PHF20: variants seen among roughly 807,000 people sequenced by gnomAD.
The protein encoded by PHF20 is PHD finger protein 20.
Under a neutral mutation model 113.5 loss-of-function variants are expected in PHF20, and 23 were observed. The observed-to-expected ratio is 0.20, with a 90% CI of 0.15 to 0.29. The LOEUF (loss-of-function observed/expected upper bound fraction) is 0.29, where lower values mean the gene tolerates loss of function less well. Ranked by LOEUF, PHF20 falls within the 10% of genes least tolerant of loss-of-function variation. The pLI is 1.00. For synonymous variants in PHF20, 434 were observed against 457.3 expected, an observed-to-expected ratio of 0.95 and a Z score of 0.65; for missense variants, 943 against 1,219.6, an observed-to-expected ratio of 0.77 and a Z score of 3.38.
chr20:35,781,929 C>T (rs1484109098), intron 1 of PHF20, among the ~76,000 whole-genome samples: 2 of 151,416 alleles, frequency 1.3e-5, no homozygotes, highest in African/African-American at 4.9e-5. Context: ...GCCTAGGTGA[C>T]AGAGCGAGAC....
chr20:35,892,787 G>T (rs2054900099), intron 9 of PHF20, among the ~76,000 whole-genome samples: 1 of 151,532 alleles, frequency 6.6e-6, no homozygotes, highest in African/African-American at 2.4e-5. Flanking sequence ...AGCAGTGCAG[G>T]GTAGATTATC....
intron 2 of PHF20, among the ~76,000 whole-genome samples, chr20:35,827,119 C>CT (rs1430157045): frequency 6.6e-6 from 1 of 152,100 alleles, no homozygotes; most frequent in African/African-American, 2.4e-5. Flanking sequence ...GAGGCAAGCT[C>CT]TGATTTTTTT....
At chr20:35,901,432 A>AG (rs777920125) in intron 10 of PHF20, among the ~76,000 whole-genome samples, 1 of 149,362 alleles carries the variant, frequency 6.7e-6, no homozygotes, top group Non-Finnish European at 1.5e-5. Flanking sequence ...AAAAAAAAAA[A>AG]GTGTGCTTAA....
intron 9 of PHF20, among the ~76,000 whole-genome samples, chr20:35,891,109 G>A (rs1327843146): frequency 6.6e-6 from 1 of 152,134 alleles, no homozygotes; most frequent in African/African-American, 2.4e-5. Context: ...GGGTACAGTG[G>A]CTCATGCCTG....
At chr20:35,918,235 G>T (rs930308392) in intron 13 of PHF20, among the ~76,000 whole-genome samples, 7 of 152,064 alleles carry the variant, frequency 4.6e-5, no homozygotes, top group African/African-American at 1.7e-4. Flanking sequence ...TGCAGTTCTG[G>T]GAGAGGTGGC....
At chr20:35,801,667 A>G in intron 2 of PHF20, 62 bp downstream of exon 2, 5 of 1,069,398 alleles carry the variant, frequency 4.7e-6, no homozygotes, top group South Asian at 1.3e-5. Context: ...CAGCACTGAT[A>G]GAGTGGTAGC....
At chr20:35,866,579 G>C (rs2054324270) in intron 6 of PHF20, among the ~76,000 whole-genome samples, 2 of 152,192 alleles carry the variant, frequency 1.3e-5, no homozygotes. Flanking sequence ...TATTATACAA[G>C]GAGAGGTGGA....
chr20:35,924,638 G>A (rs1240915617), intron 13 of PHF20, among the ~76,000 whole-genome samples: 1 of 151,792 alleles, frequency 6.6e-6, no homozygotes, highest in Non-Finnish European at 1.5e-5. Flanking sequence ...TGTCACCCAG[G>A]CTGGAGTGCA....
intron 15 of PHF20, among the ~76,000 whole-genome samples, chr20:35,936,611 C>G (rs754442776): frequency 6.6e-6 from 1 of 151,972 alleles, no homozygotes; most frequent in African/African-American, 2.4e-5. Flanking sequence ...TGGAATGGTG[C>G]GAATAAATTT....
intron 9 of PHF20, among the ~76,000 whole-genome samples, chr20:35,887,262 C>T (rs1299832460): frequency 6.6e-6 from 1 of 152,182 alleles, no homozygotes; most frequent in Middle Eastern, 3.4e-3. Context: ...TGCTGTGTGA[C>T]AGTATTACCA....
At chr20:35,859,607 C>A (rs933903433) in intron 5 of PHF20, among the ~76,000 whole-genome samples, 4 of 151,172 alleles carry the variant, frequency 2.6e-5, no homozygotes, top group African/African-American at 9.7e-5. Context: ...TGCAGTGGCG[C>A]AATCTTGGCC....
intron 2 of PHF20, among the ~76,000 whole-genome samples, chr20:35,818,926 T>TTTTGG (rs1555789837): frequency 6.6e-6 from 1 of 151,568 alleles, no homozygotes; most frequent in Non-Finnish European, 1.5e-5. Context: ...GCCTTCCCTG[T>TTTTGG]TTTTGTTTTG....
chr20:35,891,376 C>CAA (rs11475386), intron 9 of PHF20, among the ~76,000 whole-genome samples: 213 of 76,628 alleles, frequency 2.8e-3, no homozygotes, highest in Middle Eastern at 0.015. Flanking sequence ...GACTCTATGT[C>CAA]AAAAAAAAAA....
intron 15 of PHF20, among the ~76,000 whole-genome samples, chr20:35,937,205 G>C (rs557282909): frequency 5.3e-5 from 8 of 152,054 alleles, no homozygotes; most frequent in Non-Finnish European, 1.0e-4. Flanking sequence ...GGTGGCTCAC[G>C]CCTTTGGGCT....
chr20:35,772,468 T>C (rs1446161929), intron 1 of PHF20, among the ~76,000 whole-genome samples: 1 of 152,220 alleles, frequency 6.6e-6, no homozygotes, highest in African/African-American at 2.4e-5. Context: ...CAGCCTCTGC[T>C]ATTGCCTTGC....
At chr20:35,783,210 AAAG>A (rs2041337261) in intron 1 of PHF20, among the ~76,000 whole-genome samples, 1 of 152,086 alleles carries the variant, frequency 6.6e-6, no homozygotes, top group African/African-American at 2.4e-5. Context: ...AAAATAAAAA[AAAG>A]AAAAGAAAAA....
At chr20:35,873,352 C>T (rs1386604015) in intron 9 of PHF20, among the ~76,000 whole-genome samples, 3 of 151,894 alleles carry the variant, frequency 2.0e-5, no homozygotes, top group Non-Finnish European at 4.4e-5. Flanking sequence ...CTGCCCACCT[C>T]GGCCTCCCAA....
chr20:35,787,113 T>G (rs550475941), intron 1 of PHF20, among the ~76,000 whole-genome samples: 6 of 151,400 alleles, frequency 4.0e-5, no homozygotes, highest in African/African-American at 1.5e-4. Flanking sequence ...AGCCTCAGCC[T>G]CCTGAGTAGC....
intron 12 of PHF20, among the ~76,000 whole-genome samples, chr20:35,914,697 G>T (rs1199237358): frequency 1.3e-5 from 2 of 152,038 alleles, no homozygotes; most frequent in African/African-American, 4.8e-5. Context: ...AGGCGCGGTG[G>T]CTCACACTTG....
Sources: allele counts gnomAD v4.1 joint callset (sites outside exome capture counted in the v4.1 genomes callset), GRCh38; gene constraint gnomAD v4.1.1; transcripts MANE v1.5; gene names NCBI Gene and HGNC (gene_info 2026-07-23, HGNC 2026-07-21).